The following FBXO17 variants were observed in gnomAD, a reference collection of about 807,000 sequenced individuals.
The protein encoded by FBXO17 is F-box protein 17, also known as F-box only protein 17.
A neutral mutation model predicts 34.1 loss-of-function variants in FBXO17; 43 were observed. The ratio of observed to expected loss-of-function variants is 1.26; its 90% CI spans 0.99 to 1.62. The LOEUF (loss-of-function observed/expected upper bound fraction) is 1.62. FBXO17 is among the 40% of genes most tolerant of loss of function. The probability of loss-of-function intolerance (pLI) is 0.00; values close to 1 mark genes in which losing one functional copy is unlikely to be tolerated. For synonymous variants in FBXO17, 169 were observed against 166.0 expected (o/e 1.02, Z -0.14); for missense variants, 424 against 386.7 (o/e 1.10, Z -0.81).
intron 1 of FBXO17, among the ~76,000 whole-genome samples, chr19:38,954,890 GTTATTTTATTATTATTATTA>G (rs1358441416): frequency 2.4e-5 from 3 of 124,068 alleles, no homozygotes; most frequent in African/African-American, 8.7e-5. Flanking sequence ...CTGACAATGT[GTTATTTTATTATTATTATTA>G]TTATTATTAT....
rs963516916 is a variant in FBXO17, at chr19:38,945,016, C to T, written c.646G>A (p.Ala216Thr). ...CACTGAAGGACCGGGTCAGGTGAGG[C>T]TGAGAACTTGACCACTTCCTTTTCA... ...VYEKEVVKFSASPDPVLQWTE... is the reference protein window; with the variant it reads ...VYEKEVVKFSTSPDPVLQWTE... The change falls in exon 5 of 6, where the codon GCC (alanine) becomes ACC (threonine). Residue 216 changes from alanine to threonine, a missense_variant. By Grantham distance (58) the Ala-to-Thr change is moderately conservative (BLOSUM62 0). Coordinates refer to ENST00000292852, the MANE Select transcript of FBXO17 (RefSeq NM_024907.7). The T allele has an allele frequency of 1.2e-6, 2 of 1,614,066 alleles. No homozygotes were observed. Among genetic ancestry groups the T allele is most frequent in the South Asian group, 1.1e-5 (1 of 91,092 alleles).
intron 1 of FBXO17, among the ~76,000 whole-genome samples, chr19:38,974,184 C>T (rs960957486): frequency 6.6e-6 from 1 of 150,906 alleles, no homozygotes; most frequent in Non-Finnish European, 1.5e-5. Flanking sequence ...AGGGTTCAAG[C>T]GATTCTCCTT....
chr19:38,950,930 T>C (rs954934707), intron 1 of FBXO17, among the ~76,000 whole-genome samples: 3 of 152,102 alleles, frequency 2.0e-5, no homozygotes, highest in Admixed American at 1.3e-4. Flanking sequence ...TAGCTGGAAC[T>C]ACAGGCGCCC....
chr19:38,943,473 C>T (rs1429342475), intron 5 of FBXO17, among the ~76,000 whole-genome samples: 2 of 151,212 alleles, frequency 1.3e-5, no homozygotes, highest in African/African-American at 4.8e-5. Flanking sequence ...GGGGGTTTTG[C>T]CATGTTGGTC....
Position 38,949,931 on chromosome 19 carries a change from G to C in FBXO17, c.349+40C>G, listed in dbSNP as rs773766710. The C allele has an allele frequency of 8.4e-4, 1,172 of 1,392,936 alleles. 1 individual carries two copies. The highest frequency in any genetic ancestry group is 1.0e-3 in the Non-Finnish European group (1,102 of 1,070,220). The allele number at this position is 1,392,936 out of a possible 1,614,324, so 86.3% of individuals were successfully genotyped here. The stretch of plus-strand genomic sequence containing the variant: ...GGCCCCGCCCCCGCCTCGCTCGCGC[G>C]GCCCCCCTCAGCCTCCTGGGCCCCG... On this transcript the variant is annotated intron_variant, in intron 2 of 5. Coordinates refer to ENST00000292852, the MANE Select transcript of FBXO17 (RefSeq NM_024907.7).
chr19:38,960,809 CTTTT>C (rs60174151), intron 1 of FBXO17, among the ~76,000 whole-genome samples: 2 of 139,326 alleles, frequency 1.4e-5, no homozygotes, highest in African/African-American at 2.7e-5. Context: ...CACCCGGCCA[CTTTT>C]TTTTTTTTTT....
rs774189220 is a variant in FBXO17 at position 38,942,720 on chromosome 19, C to A, written c.725G>T (p.Gly242Val). Residue 242 changes from glycine to valine, a missense_variant, in exon 6 of 6, where the codon GGC (glycine) becomes GTC (valine). Transcript: ENST00000292852. Reference protein sequence around the residue: ...VSHVFTNFGKGIRYVSFEQYG... With the variant: ...VSHVFTNFGKVIRYVSFEQYG... ...CTGCTCAAAAGATACGTAGCGGATG[C>A]CCTTGCCAAAGTTGGTGAAGACGTG... 1 of 1,605,916 alleles carries A rather than the reference C, an allele frequency of 6.2e-7. No homozygotes were observed. The highest frequency in any genetic ancestry group is 8.5e-7 in the Non-Finnish European group (1 of 1,176,756).
Position 38,944,870 on chromosome 19 carries a change from A to G in FBXO17, c.693+99T>C, listed in dbSNP as rs1249785578. On this transcript the variant is annotated intron_variant, in intron 5 of 5. Transcript: ENST00000292852. ...GATACTTCTTAGCTGTTATGATTAT[A>G]GATATCCAGGAGTGACAGAAGGGAA... 68 of 1,502,372 alleles carry G rather than the reference A, an allele frequency of 4.5e-5. No homozygotes were observed. The East Asian group carries it at 1.2e-3, about 28-fold the overall frequency. 93.1% of individuals were successfully genotyped at this position (1,502,372 alleles called of 1,614,324 possible). A position where few individuals can be genotyped will look rare whatever the true frequency, so the allele number is the denominator to read the frequency against.
chr19:38,970,478 G>A (rs1252374444), intron 1 of FBXO17, among the ~76,000 whole-genome samples: 1 of 152,172 alleles, frequency 6.6e-6, no homozygotes, highest in Non-Finnish European at 1.5e-5. Context: ...AAAGTGCTGG[G>A]ATTATAGGCG....
rs1280553014 is a variant in FBXO17, at chr19:38,950,027, C to G, written c.293G>C (p.Arg98Pro). Residue 98 changes from arginine (R) to proline (P), a missense_variant, in exon 2 of 6, where the codon CGC becomes CCC. Physicochemically the swap from Arg to Pro is moderately radical, Grantham distance 103. Transcript: ENST00000292852. ...KEEFPLCALA[R>P]YCLRAPFGRN... ...GCCGAAGGGCGCGCGCAGACAGTAG[C>G]GCGCCAGGGCGCACAGCGGGAACTC... 2.6e-6 allele frequency: 4 copies of G among 1,563,496 alleles called. No individual in the cohort carries two copies. In the African/African-American group the frequency reaches 4.1e-5, roughly 16 times the overall value.
chr19:38,967,177 G>T (rs865853639), intron 1 of FBXO17, among the ~76,000 whole-genome samples: 2 of 152,290 alleles, frequency 1.3e-5, no homozygotes, highest in African/African-American at 2.4e-5. Flanking sequence ...TGGACAAAAG[G>T]CCGGGCACAG....
At chr19:38,971,406 G>T (rs1975389971) in intron 1 of FBXO17, among the ~76,000 whole-genome samples, 1 of 152,090 alleles carries the variant, frequency 6.6e-6, no homozygotes, top group South Asian at 2.1e-4. Context: ...AACACAGCAG[G>T]ACAAAAACTG....
chr19:38,942,407 G>A lies in FBXO17; in HGVS notation c.*201C>T, dbSNP rs990542034. 15 of 438,488 alleles carry A rather than the reference G, an allele frequency of 3.4e-5. No homozygotes were observed. The highest frequency in any genetic ancestry group is 2.7e-4 in the African/African-American group (13 of 48,158). The allele number at this position is 438,488 out of a possible 1,614,324, so 27.2% of individuals were successfully genotyped here. ...CTCCTGAGTAGCTGGGACTACAGGC[G>A]GCACCACCATGCCTGGCTAATTTTT... On this transcript the variant is annotated 3_prime_UTR_variant, in exon 6 of 6. Transcript: ENST00000292852.
intron 5 of FBXO17, chr19:38,944,687 T>G: frequency 2.4e-6 from 1 of 422,996 alleles, no homozygotes; most frequent in Non-Finnish European, 4.3e-6. Flanking sequence ...AGAATGGAGA[T>G]AGGATTTTGC....
At chr19:38,974,827 G>A (rs796811825) in intron 1 of FBXO17, among the ~76,000 whole-genome samples, 32 of 152,302 alleles carry the variant, frequency 2.1e-4, no homozygotes, top group African/African-American at 7.0e-4. Context: ...GGGCGGTGGT[G>A]AGGGAGAGGT....
intron 4 of FBXO17, 50 bp downstream of exon 4, chr19:38,946,422 C>T (rs757167549): frequency 2.0e-5 from 33 of 1,610,688 alleles, no homozygotes; most frequent in African/African-American, 6.7e-5. Flanking sequence ...GTTGCAGAGC[C>T]GCTGCCAAGC....
At chr19:38,942,894 G>T (rs1414862530) in intron 5 of FBXO17, 143 bp from the exon 6 acceptor site, 4 of 1,004,368 alleles carry the variant, frequency 4.0e-6, no homozygotes, top group East Asian at 3.2e-5. Context: ...AACCGGAAAA[G>T]GACCCCGCCC....
At chr19:38,944,359 CAGCCTCCTG>C (rs1173247424) in intron 5 of FBXO17, among the ~76,000 whole-genome samples, 1 of 152,044 alleles carries the variant, frequency 6.6e-6, no homozygotes, top group African/African-American at 2.4e-5. Flanking sequence ...CCTCCCACCT[CAGCCTCCTG>C]AGTAGCTGAG....
intron 1 of FBXO17, among the ~76,000 whole-genome samples, chr19:38,961,657 C>CTGTTT (rs1555751798): frequency 1.3e-4 from 19 of 151,116 alleles, no homozygotes; most frequent in Non-Finnish European, 2.1e-4. Flanking sequence ...AACTACTATT[C>CTGTTT]TGTTTTGTTT....
Sources: allele counts gnomAD v4.1 joint callset (sites outside exome capture counted in the v4.1 genomes callset), GRCh38; gene constraint gnomAD v4.1.1; transcripts MANE v1.5; gene names NCBI Gene and HGNC (gene_info 2026-07-23, HGNC 2026-07-21).